PRIM2: variants seen among roughly 807,000 people sequenced by gnomAD.
PRIM2 encodes the protein DNA primase large subunit.
A neutral mutation model predicts 67.3 loss-of-function variants in PRIM2; 39 were observed. That is an observed-to-expected ratio of 0.58 (90% CI 0.45 to 0.76). The LOEUF is 0.76. Among genes scored for constraint, PRIM2 ranks in the 30% least tolerant of loss-of-function variants. The pLI is 0.00. For missense variants in PRIM2, 398 were observed against 598.7 expected (o/e 0.66, Z 3.50); for synonymous variants, 143 against 198.7 (o/e 0.72, Z 2.36).
At chr6:57,367,485 C>T (rs73748689) in intron 5 of PRIM2, among the ~76,000 whole-genome samples, 2 of 152,156 alleles carry the variant, frequency 1.3e-5, no homozygotes, top group Non-Finnish European at 2.9e-5. Flanking sequence ...AAACCTAAAA[C>T]AACAATTCCA....
At position 57,559,096 on chromosome 6, in the gene PRIM2, C is replaced by A. The variant is rs1562791420; in HGVS notation, c.1020+21471C>A. ...AGTGAGCCATGAGCATGCCACTTTA[C>A]TCTAGCCTGGGAGATAGAGTGACAC... is the stretch of plus-strand genomic sequence containing the variant. On this transcript the variant is annotated intron_variant, in intron 10 of 13. Transcript: ENST00000615550. Among the ~76,000 whole-genome samples the A allele has an allele frequency of 8.6e-5, 13 of 151,220 alleles. No individual in the cohort carries two copies. The South Asian group carries it at 2.7e-3, about 32-fold the overall frequency.
intron 10 of PRIM2, among the ~76,000 whole-genome samples, chr6:57,594,930 G>T (rs1776339925): frequency 6.6e-6 from 1 of 152,156 alleles, no homozygotes; most frequent in South Asian, 2.1e-4. Flanking sequence ...ATAATTAAAA[G>T]AAGGCAATCA....
At chr6:57,318,163 C>T (rs1373075813) in intron 1 of PRIM2, among the ~76,000 whole-genome samples, 1 of 152,146 alleles carries the variant, frequency 6.6e-6, no homozygotes, top group Non-Finnish European at 1.5e-5. Flanking sequence ...CAGGCAACAT[C>T]ACCTGACTTT....
chr6:57,286,268 A>T, the PRIM2 span, among the ~76,000 whole-genome samples: 1 of 152,232 alleles, frequency 6.6e-6, no homozygotes, highest in African/African-American at 2.4e-5. Flanking sequence ...TTTACATTTC[A>T]TATAAAACCA....
At chr6:57,437,368 G>C (rs1356076862) in intron 7 of PRIM2, among the ~76,000 whole-genome samples, 2 of 152,184 alleles carry the variant, frequency 1.3e-5, no homozygotes, top group African/African-American at 4.8e-5. Flanking sequence ...ATTTTGCTTA[G>C]AGACTATCAT....
At chr6:57,458,887 A>T (rs1772905238) in intron 7 of PRIM2, among the ~76,000 whole-genome samples, 2 of 152,216 alleles carry the variant, frequency 1.3e-5, no homozygotes, top group Non-Finnish European at 2.9e-5. Flanking sequence ...ACATCTGGTA[A>T]CTTCCTCCTT....
intron 8 of PRIM2, among the ~76,000 whole-genome samples, chr6:57,518,217 C>A (rs1774527063): frequency 6.6e-6 from 1 of 152,194 alleles, no homozygotes; most frequent in South Asian, 2.1e-4. Context: ...TGCATACATA[C>A]AATCTACCAG....
the PRIM2 span, among the ~76,000 whole-genome samples, chr6:57,270,156 A>T: frequency 6.6e-6 from 1 of 151,852 alleles, no homozygotes; most frequent in Non-Finnish European, 1.5e-5. Context: ...AGTTTTTTCC[A>T]ATTCTGTGAA....
chr6:57,345,474 ATGTG>A lies in PRIM2; in HGVS notation c.459+19459_459+19462del, dbSNP rs754685184. On this transcript the variant is annotated intron_variant, in intron 5 of 13. Coordinates refer to ENST00000615550, the MANE Select transcript of PRIM2 (RefSeq NM_000947.5). ...GAGCCACCATGCCTGATATATATAT[ATGTG>A]TGTGTGTGTGTGTGTGTGTGTGTGT... is the stretch of plus-strand genomic sequence containing the variant. Among the ~76,000 whole-genome samples the A allele has an allele frequency of 4.0e-4, 50 of 124,648 alleles. 1 individual carries two copies. Among genetic ancestry groups the A allele is most frequent in the African/African-American group, 5.7e-4 (18 of 31,412 alleles). The allele number at this position is 124,648 out of a possible 152,430, so 81.8% of individuals were successfully genotyped here.
At chr6:57,467,691 G>A (rs1182923607) in intron 7 of PRIM2, among the ~76,000 whole-genome samples, 3 of 152,146 alleles carry the variant, frequency 2.0e-5, no homozygotes, top group East Asian at 3.8e-4. Context: ...GATGAGGATA[G>A]CATTGAATAT....
At chr6:57,416,564 C>G (rs1771269715) in intron 7 of PRIM2, among the ~76,000 whole-genome samples, 1 of 152,182 alleles carries the variant, frequency 6.6e-6, no homozygotes, top group South Asian at 2.1e-4. Flanking sequence ...GCTTTGACTT[C>G]TCTCTAGCTA....
At chr6:57,383,800 C>T (rs903897942) in intron 7 of PRIM2, among the ~76,000 whole-genome samples, 5 of 152,094 alleles carry the variant, frequency 3.3e-5, no homozygotes, top group African/African-American at 1.2e-4. Context: ...CTGGAACCAC[C>T]AAACTTTTTA....
At chr6:57,461,642 T>C (rs1773006242) in intron 7 of PRIM2, among the ~76,000 whole-genome samples, 1 of 152,106 alleles carries the variant, frequency 6.6e-6, no homozygotes. Flanking sequence ...TTTAATAAGG[T>C]AATAGGAAAT....
chr6:57,431,032 G>A (rs879392273), intron 7 of PRIM2, among the ~76,000 whole-genome samples: 1 of 152,066 alleles, frequency 6.6e-6, no homozygotes, highest in Non-Finnish European at 1.5e-5. Context: ...TTCATAACTG[G>A]ATTTTAGGTT....
chr6:57,221,729 T>C, the PRIM2 span: 2 of 152,216 alleles, frequency 1.3e-5, no homozygotes, highest in African/African-American at 4.8e-5. Flanking sequence ...TACCCACCGC[T>C]GGGAGCTGGG....
upstream of PRIM2, among the ~76,000 whole-genome samples, chr6:57,314,647 A>C (rs1228070154): frequency 1.3e-5 from 2 of 152,250 alleles, no homozygotes; most frequent in Non-Finnish European, 2.9e-5. Flanking sequence ...TTGAGATGCT[A>C]TGGTTCAGTG....
chr6:57,327,146 C>G (rs1767893756), intron 5 of PRIM2, among the ~76,000 whole-genome samples: 1 of 152,046 alleles, frequency 6.6e-6, no homozygotes, highest in Non-Finnish European at 1.5e-5. Context: ...AGGTGATACA[C>G]CCGCCTCGGC....
chr6:57,427,834 A>G (rs534909024), intron 7 of PRIM2, among the ~76,000 whole-genome samples: 5 of 152,322 alleles, frequency 3.3e-5, no homozygotes, highest in African/African-American at 1.2e-4. Flanking sequence ...TGAATCCTTT[A>G]TGTATAGTTT....
the PRIM2 span, among the ~76,000 whole-genome samples, chr6:57,256,743 C>CAT: frequency 8.9e-6 from 1 of 112,322 alleles, no homozygotes; most frequent in Non-Finnish European, 1.7e-5. Flanking sequence ...CACACACACA[C>CAT]ATACACTCTT....
Sources: allele counts gnomAD v4.1 joint callset (sites outside exome capture counted in the v4.1 genomes callset), GRCh38; gene constraint gnomAD v4.1.1; transcripts MANE v1.5; gene names NCBI Gene and HGNC (gene_info 2026-07-23, HGNC 2026-07-21).